The following DMXL2 variants were observed in gnomAD, a reference collection of about 807,000 sequenced individuals.
DMXL2 encodes dmX-like protein 2.
A neutral mutation model predicts 331.1 loss-of-function variants in DMXL2; 103 were observed. The ratio of observed to expected loss-of-function variants is 0.31; its 90% CI spans 0.27 to 0.37. The LOEUF is 0.37. DMXL2 is among the 10% of genes least tolerant of loss of function. DMXL2 has a pLI of 1.00. For synonymous variants in DMXL2, 1,281 were observed against 1,252.1 expected (o/e 1.02, Z -0.49); for missense variants, 3,171 against 3,642.9 (o/e 0.87, Z 3.33).
At chr15:51,467,314 A>C (rs1405131535) in intron 29 of DMXL2, among the ~76,000 whole-genome samples, 1 of 152,164 alleles carries the variant, frequency 6.6e-6, no homozygotes, top group Non-Finnish European at 1.5e-5. Flanking sequence ...ATTTCTGTGC[A>C]TGATAAACTT....
intron 13 of DMXL2, among the ~76,000 whole-genome samples, chr15:51,519,848 G>T (rs1005904513): frequency 3.3e-5 from 5 of 151,820 alleles, no homozygotes; most frequent in African/African-American, 1.2e-4. Flanking sequence ...TCACCATGTT[G>T]GCCAGGCTGG....
At chr15:51,601,290 C>CAAGAAAAAA (rs2053210474) in intron 1 of DMXL2, among the ~76,000 whole-genome samples, 1 of 96,594 alleles carries the variant, frequency 1.0e-5, no homozygotes, top group African/African-American at 4.0e-5. Flanking sequence ...GACTCCATCT[C>CAAGAAAAAA]AAAAAAAAAA....
chr15:51,514,341 A>G lies in DMXL2; in HGVS notation c.2644+101T>C, dbSNP rs1030493138. On this transcript the variant is annotated intron_variant, in intron 15 of 43. Coordinates refer to ENST00000560891, the MANE Select transcript of DMXL2 (RefSeq NM_001378457.1). ...GAACTAACTGGTGAATCTGTCAAAAATTATGAGAGTGGTAACTTTTGAAGA... is the reference window on the plus strand; with the variant it reads ...GAACTAACTGGTGAATCTGTCAAAAGTTATGAGAGTGGTAACTTTTGAAGA... 5.8e-6 allele frequency: 4 copies of G among 687,864 alleles called. No homozygotes were observed. The African/African-American group carries it at 7.5e-5, about 13-fold the overall frequency. The allele number at this position is 687,864 out of a possible 1,614,324, so 42.6% of individuals were successfully genotyped here. A position where few individuals can be genotyped will look rare whatever the true frequency, so the allele number is the denominator to read the frequency against.
rs189770498 is a variant in DMXL2, at chr15:51,591,766, G to A, written c.88-15585C>T. ...AACGATCCGCTGTTCACCAATATCCGCTGTTCTGCAGCCTCAGCTGCTGAT... is the reference window on the plus strand; with the variant it reads ...AACGATCCGCTGTTCACCAATATCCACTGTTCTGCAGCCTCAGCTGCTGAT... On this transcript the variant is annotated intron_variant, in intron 1 of 43. Coordinates refer to ENST00000560891, the MANE Select transcript of DMXL2 (RefSeq NM_001378457.1). Among the ~76,000 whole-genome samples the A allele has an allele frequency of 2.6e-5, 4 of 152,254 alleles. No homozygotes were observed. In the East Asian group the frequency reaches 5.8e-4, roughly 22 times the overall value.
At position 51,538,187 on chromosome 15, in the gene DMXL2, G is replaced by A. The variant is rs193291801; in HGVS notation, c.1345+26C>T. The A allele has an allele frequency of 6.3e-5, 100 of 1,589,596 alleles. No individual in the cohort carries two copies. In the African/African-American group the frequency reaches 1.2e-3, roughly 19 times the overall value. Reference sequence around the variant, plus strand: ...CAGAAAGCTGTTAACTTTGGAGTAAGTAAAATCTGAACACAGGATACTAAC... The same window carrying A: ...CAGAAAGCTGTTAACTTTGGAGTAAATAAAATCTGAACACAGGATACTAAC... On this transcript the variant is annotated intron_variant, in intron 10 of 43. Transcript: ENST00000560891.
chr15:51,503,135 A>G (rs146956052), intron 16 of DMXL2, 102 bp from the exon 17 acceptor site: 170 of 873,638 alleles, frequency 1.9e-4, no homozygotes, highest in African/African-American at 8.5e-5. Context: ...TAGCTTCTTA[A>G]AAGTATTTTG....
At chr15:51,494,391 T>C (rs1027641416) in intron 19 of DMXL2, among the ~76,000 whole-genome samples, 4 of 152,180 alleles carry the variant, frequency 2.6e-5, no homozygotes, top group African/African-American at 4.8e-5. Flanking sequence ...AAAAGAAATA[T>C]AGTCCACTGA....
chr15:51,585,167 T>C (rs1168574206), intron 1 of DMXL2, among the ~76,000 whole-genome samples: 1 of 97,524 alleles, frequency 1.0e-5, no homozygotes, highest in African/African-American at 4.1e-5. Flanking sequence ...AACACTATGT[T>C]GAATAGGAGC....
intron 29 of DMXL2, chr15:51,466,598 T>G (rs980475820): frequency 2.0e-5 from 3 of 152,626 alleles, no homozygotes; most frequent in Non-Finnish European, 4.4e-5. Flanking sequence ...GTTTTCTTCT[T>G]ATAGATCAGC....
chr15:51,471,293 G>A lies in DMXL2; in HGVS notation c.7322C>T (p.Ala2441Val). Residue 2441 changes from alanine to valine, a missense_variant, in exon 29 of 44, where the codon GCA becomes GTA. This residue lies in a region of DMXL2 where 766 missense variants were observed against 940.5 expected (regional missense o/e 0.81). Transcript: ENST00000560891. ...TTTTTCTTTGTAAGATGGTCTTTCT[G>A]CAGGCACCGGTGGTGGGGTAGCATC... The part of the protein sequence containing the change: ...VKDATPPPVP[A>V]ERPSYKEKFI... The A allele has an allele frequency of 6.2e-7, 1 of 1,614,030 alleles. No homozygotes were observed. The highest frequency in any genetic ancestry group is 1.1e-5 in the South Asian group (1 of 91,072).
chr15:51,586,162 C>CA (rs1176480617), intron 1 of DMXL2, among the ~76,000 whole-genome samples: 1 of 151,806 alleles, frequency 6.6e-6, no homozygotes, highest in Non-Finnish European at 1.5e-5. Flanking sequence ...AAGCTTACAG[C>CA]AAAAAAGTTT....
rs544555820 is a variant in DMXL2, at chr15:51,449,838, A to G, written c.8967+291T>C. ...GGAGAAGCTTCTAAGGAGCCAAACT[A>G]ATGTCATCAAAAAATTTCATGCATT... On this transcript the variant is annotated intron_variant, in intron 43 of 43. Transcript: ENST00000560891. 3.3e-5 allele frequency among the ~76,000 whole-genome samples: 5 copies of G among 152,222 alleles called. No homozygotes were observed. In the South Asian group the frequency reaches 6.2e-4, roughly 19 times the overall value.
intron 15 of DMXL2, among the ~76,000 whole-genome samples, chr15:51,507,825 ACTT>A (rs1451122804): frequency 1.3e-5 from 2 of 150,870 alleles, no homozygotes; most frequent in Non-Finnish European, 2.9e-5. Context: ...AAAAAAAAAA[ACTT>A]AAGTTGTGGG....
chr15:51,575,866 C>CAATTATCA (rs2050991090), intron 2 of DMXL2, among the ~76,000 whole-genome samples, 190 bp downstream of exon 2: 1 of 152,028 alleles, frequency 6.6e-6, no homozygotes, highest in Admixed American at 6.6e-5. Flanking sequence ...AGCTGTAGAA[C>CAATTATCA]AATTATCAAA....
Position 51,480,644 on chromosome 15 carries a change from G to A in DMXL2, c.6462C>T (p.Leu2154=). The A allele has an allele frequency of 6.2e-7, 1 of 1,612,318 alleles. No individual in the cohort carries two copies. Residue 2154 remains leucine, a synonymous_variant, in exon 24 of 44, where the codon CTC becomes CTT. Coordinates refer to ENST00000560891, the MANE Select transcript of DMXL2 (RefSeq NM_001378457.1). The part of the protein sequence containing the change: ...RKSWLQKNQD[L]LRVFLSYCSL... ...TACAGTAGCTGAGAAATACTCTCAG[G>A]AGATCTTGGTTTTTCTGCAACCACG...
intron 1 of DMXL2, among the ~76,000 whole-genome samples, chr15:51,593,457 A>T (rs1238762192): frequency 1.3e-5 from 2 of 152,140 alleles, no homozygotes; most frequent in Non-Finnish European, 2.9e-5. Context: ...CTCCCACACA[A>T]TAATAATGGG....
rs143144405 is a variant in DMXL2 at position 51,474,510 on chromosome 15, A to C, written c.7047T>G (p.Val2349=). ...PKLNILLCEA[V]VAVYLSLLIH... is the part of the protein sequence containing the mutation. ...TCAATAAACTTAAGTAAACAGCAAC[A>C]ACAGCTTCACATAGCAAAATGTTCA... The change falls in exon 28 of 44, where the codon GTT becomes GTG. Residue 2349 remains valine (V), a synonymous_variant. Coordinates refer to ENST00000560891, the MANE Select transcript of DMXL2 (RefSeq NM_001378457.1). 19 of 1,614,166 alleles carry C rather than the reference A, an allele frequency of 1.2e-5. No homozygotes were observed. The highest frequency in any genetic ancestry group is 2.7e-5 in the African/African-American group (2 of 75,066).
At chr15:51,451,231 C>T (rs1343216309) in intron 42 of DMXL2, among the ~76,000 whole-genome samples, 1 of 151,976 alleles carries the variant, frequency 6.6e-6, no homozygotes, top group African/African-American at 2.4e-5. Flanking sequence ...AGCTTGAGAC[C>T]TGCCTGAGCA....
intron 32 of DMXL2, 23 bp downstream of exon 32, chr15:51,464,652 C>T (rs772640868): frequency 8.8e-6 from 14 of 1,595,920 alleles, no homozygotes; most frequent in Non-Finnish European, 1.0e-5. Flanking sequence ...CGCTCTTTAT[C>T]AGCATTATAA....
Sources: allele counts gnomAD v4.1 joint callset (sites outside exome capture counted in the v4.1 genomes callset), GRCh38; gene constraint gnomAD v4.1.1; regional missense constraint gnomAD v4.1.1; transcripts MANE v1.5; gene names NCBI Gene and HGNC (gene_info 2026-07-23, HGNC 2026-07-21).